Variants in FAM193B observed in about 807,000 individuals in gnomAD.
The protein encoded by FAM193B is family with sequence similarity 193 member B.
A neutral mutation model predicts 70.7 loss-of-function variants in FAM193B; 27 were observed. The observed-to-expected ratio is 0.38, with a 90% confidence interval of 0.28 to 0.53. The LOEUF (loss-of-function observed/expected upper bound fraction) is 0.53. FAM193B is among the 20% of genes least tolerant of loss of function. The pLI is 0.81. For synonymous variants in FAM193B, 448 were observed against 436.0 expected (o/e 1.03, Z -0.34); for missense variants, 1,022 against 1,072.5 (o/e 0.95, Z 0.66).
chr5:177,531,916 G>A (rs1763525114), intron 5 of FAM193B: 1 of 1,214,354 alleles, frequency 8.2e-7, no homozygotes, highest in African/African-American at 1.6e-5. Context: ...TCTATCCTCA[G>A]CTGCTCTACC....
At chr5:177,523,321 A>T (rs1018176167) in intron 7 of FAM193B, 4 of 285,170 alleles carry the variant, frequency 1.4e-5, no homozygotes, top group African/African-American at 6.7e-5. Context: ...TTTTTAAAAA[A>T]TTTGCATTAT....
intron 1 of FAM193B, chr5:177,553,096 G>A (rs1766509761): frequency 1.1e-5 from 9 of 834,494 alleles, no homozygotes; most frequent in Non-Finnish European, 1.3e-5. Flanking sequence ...GGCACAGAGA[G>A]GGCACCTGAC....
intron 7 of FAM193B, among the ~76,000 whole-genome samples, chr5:177,523,506 G>A (rs1581834855): frequency 6.6e-6 from 1 of 152,156 alleles, no homozygotes; most frequent in East Asian, 1.9e-4. Context: ...TACTCTTCAG[G>A]TTTCAACTTG....
At position 177,524,670 on chromosome 5, in the gene FAM193B, G is replaced by A. The variant is rs775121023; in HGVS notation, c.1811C>T (p.Pro604Leu). The A allele has an allele frequency of 6.8e-6, 11 of 1,611,394 alleles. No individual in the cohort carries two copies. The highest frequency in any genetic ancestry group is 3.4e-5 in the Admixed American group (2 of 59,680). Residue 604 changes from proline (P) to leucine (L), a missense_variant, in exon 6 of 9, where the codon CCG becomes CTG. By Grantham distance (98) the Pro-to-Leu change is moderately conservative. Transcript: ENST00000514747. ...SRVIWVKTPK[P>L]GYPSSEEPSS... ...TGGCTCCTCGGAGCTGGGGTAGCCC[G>A]GCTTGGGTGTCTTGACCCAGATCAC...
At chr5:177,523,702 A>G (rs1762120488) in intron 7 of FAM193B, among the ~76,000 whole-genome samples, 1 of 152,254 alleles carries the variant, frequency 6.6e-6, no homozygotes, top group South Asian at 2.1e-4. Flanking sequence ...AAAGCTGGAA[A>G]AAGCCCTGGT....
intron 6 of FAM193B, 63 bp downstream of exon 6, chr5:177,524,122 G>GC: frequency 6.2e-7 from 1 of 1,608,132 alleles, no homozygotes; most frequent in Non-Finnish European, 8.5e-7. Flanking sequence ...CACAAAGGCT[G>GC]CCCCTCCACC....
Position 177,536,734 on chromosome 5 carries a change from G to A in FAM193B, c.700C>T (p.Pro234Ser). 6.4e-7 allele frequency: 1 copy of A among 1,556,598 alleles called. No homozygotes were observed. Among genetic ancestry groups the A allele is most frequent in the South Asian group, 1.2e-5 (1 of 84,346 alleles). ...GAGTGCTGGTGGTGCTCCGAGACGG[G>A]GAAAGCCTCACCTGTGGGCAGAGGG... ...SPPTIPGEAF[P>S]VSEHHQHSDL... is the part of the protein sequence containing the mutation. The change falls in exon 4 of 9, where the codon CCC becomes TCC. Residue 234 changes from proline to serine, a missense_variant. Transcript: ENST00000514747.
chr5:177,548,803 G>A (rs1765798785), intron 1 of FAM193B, among the ~76,000 whole-genome samples: 1 of 152,112 alleles, frequency 6.6e-6, no homozygotes, highest in South Asian at 2.1e-4. Flanking sequence ...AGCACATCAC[G>A]TTCTCTTTCC....
At chr5:177,547,456 TG>T (rs1325592815) in intron 1 of FAM193B, among the ~76,000 whole-genome samples, 12 of 150,814 alleles carry the variant, frequency 8.0e-5, no homozygotes, top group Admixed American at 7.9e-4. Flanking sequence ...GGCTAATTTT[TG>T]TATTTTTTAG....
intron 5 of FAM193B, among the ~76,000 whole-genome samples, chr5:177,526,029 A>G (rs899068357): frequency 6.6e-6 from 1 of 152,204 alleles, no homozygotes; most frequent in African/African-American, 2.4e-5. Flanking sequence ...GCCTGGCGCC[A>G]TTGACTCCCA....
At chr5:177,534,236 T>C (rs1418412157) in intron 4 of FAM193B, among the ~76,000 whole-genome samples, 1 of 152,168 alleles carries the variant, frequency 6.6e-6, no homozygotes, top group Non-Finnish European at 1.5e-5. Context: ...TCAGTGGTGC[T>C]TACAGAAGTT....
chr5:177,553,835 G>A (rs1205845223), intron 1 of FAM193B: 22 of 1,282,216 alleles, frequency 1.7e-5, no homozygotes, highest in Admixed American at 2.3e-5. Flanking sequence ...GTTCCCGGGG[G>A]CAGAGGGAAG....
intron 7 of FAM193B, 112 bp from the exon 8 acceptor site, chr5:177,522,183 C>G: frequency 1.2e-6 from 1 of 829,820 alleles, no homozygotes; most frequent in Non-Finnish European, 2.0e-6. Flanking sequence ...CTCTACAAAA[C>G]CTCTTTGGCT....
At chr5:177,549,641 T>G (rs1245665781) in intron 1 of FAM193B, among the ~76,000 whole-genome samples, 1 of 152,238 alleles carries the variant, frequency 6.6e-6, no homozygotes, top group Non-Finnish European at 1.5e-5. Flanking sequence ...ATACACACGT[T>G]CTCTAGACTA....
At position 177,524,655 on chromosome 5, in the gene FAM193B, G is replaced by C; in HGVS notation, c.1826C>G (p.Ser609Cys). The C allele has an allele frequency of 6.2e-7, 1 of 1,612,646 alleles. No homozygotes were observed. The highest frequency in any genetic ancestry group is 1.3e-5 in the African/African-American group (1 of 75,038). Residue 609 changes from serine to cysteine, a missense_variant, in exon 6 of 9, where the codon TCC becomes TGC. Physicochemically the swap from Ser to Cys is moderately radical, Grantham distance 112. Transcript: ENST00000514747. ...VKTPKPGYPS[S>C]EEPSSKEVPS... ...AACTTCCTTTGAGCTTGGCTCCTCG[G>C]AGCTGGGGTAGCCCGGCTTGGGTGT...
chr5:177,534,577 C>T (rs1053619633), intron 4 of FAM193B, among the ~76,000 whole-genome samples: 5 of 151,644 alleles, frequency 3.3e-5, no homozygotes, highest in African/African-American at 7.3e-5. Flanking sequence ...GCTGGGATTA[C>T]AGGAATGAGC....
intron 1 of FAM193B, among the ~76,000 whole-genome samples, chr5:177,550,508 CG>C (rs763464587): frequency 1.6e-4 from 25 of 152,202 alleles, no homozygotes; most frequent in Non-Finnish European, 3.1e-4. Flanking sequence ...GTGGAAGAAT[CG>C]GATCTCTAGA....
At chr5:177,520,359 C>CG (rs1561741357) in intron 8 of FAM193B, among the ~76,000 whole-genome samples, 178 bp from the exon 9 acceptor site, 1 of 152,204 alleles carries the variant, frequency 6.6e-6, no homozygotes, top group African/African-American at 2.4e-5. Flanking sequence ...TGCAGGTTAA[C>CG]GGGTTGGGAG....
At chr5:177,552,418 A>T (rs1320127827) in intron 1 of FAM193B, among the ~76,000 whole-genome samples, 1 of 152,268 alleles carries the variant, frequency 6.6e-6, no homozygotes, top group Non-Finnish European at 1.5e-5. Flanking sequence ...GTAGGAACCT[A>T]GATGTCAAAG....
Sources: gnomAD v4.1 joint callset for allele counts (sites outside exome capture counted in the v4.1 genomes callset) on GRCh38, gnomAD v4.1.1 for gene constraint, MANE v1.5 for transcripts, NCBI Gene and HGNC (gene_info 2026-07-23, HGNC 2026-07-21) for gene names.